Variants in MFSD6 observed in about 807,000 individuals in gnomAD.
MFSD6 encodes the protein major facilitator superfamily domain-containing protein 6.
MFSD6 carries 26 observed loss-of-function variants against 56.3 expected under a neutral mutation model. That is an observed-to-expected ratio of 0.46 (90% CI 0.34 to 0.64). The LOEUF is 0.64. MFSD6 is among the 30% of genes least tolerant of loss of function. MFSD6 has a pLI of 0.01. For synonymous variants in MFSD6, 331 were observed against 366.9 expected, an observed-to-expected ratio of 0.90 and a Z score of 1.12; for missense variants, 750 against 986.2, an observed-to-expected ratio of 0.76 and a Z score of 3.21.
chr2:190,459,147 T>C lies in MFSD6; in HGVS notation c.1533-10611T>C, dbSNP rs987613227. Among the ~76,000 whole-genome samples, 2 of 152,190 alleles carry C rather than the reference T, an allele frequency of 1.3e-5. No homozygotes were observed. Among genetic ancestry groups the C allele is most frequent in the Non-Finnish European group, 2.9e-5 (2 of 68,032 alleles). On this transcript the variant is annotated intron_variant, in intron 3 of 7. Coordinates refer to ENST00000392328, the MANE Select transcript of MFSD6 (RefSeq NM_017694.4). The surrounding 1 kb of genome is among the most constrained non-coding windows in gnomAD (Gnocchi z 5.3). ...CAAGACTCCTTTTTTCCTCCCTCCATATTGTGGCTCCTTTCTCTTTTGTTT... is the reference window on the plus strand; with the variant it reads ...CAAGACTCCTTTTTTCCTCCCTCCACATTGTGGCTCCTTTCTCTTTTGTTT...
chr2:190,458,333 C>A lies in MFSD6; in HGVS notation c.1533-11425C>A, dbSNP rs532253744. On this transcript the variant is annotated intron_variant, in intron 3 of 7. Coordinates refer to ENST00000392328, the MANE Select transcript of MFSD6 (RefSeq NM_017694.4). This position sits in a 1 kb window ranked among gnomAD's most constrained non-coding sequence, Gnocchi z 5.3. ...CCTCATCTGTTATGAGCAGTGTCCTCGTGAGAAGAGATTGGGGCCACAGAT... is the reference window on the plus strand; with the variant it reads ...CCTCATCTGTTATGAGCAGTGTCCTAGTGAGAAGAGATTGGGGCCACAGAT... 2.6e-5 allele frequency among the ~76,000 whole-genome samples: 4 copies of A among 152,090 alleles called. No homozygotes were observed. Among genetic ancestry groups the A allele is most frequent in the East Asian group, 1.9e-4 (1 of 5,180 alleles).
rs538522116 is a variant in MFSD6 at position 190,429,152 on chromosome 2, T to C, written c.-53-6825T>C. On this transcript the variant is annotated intron_variant, in intron 2 of 7. Transcript: ENST00000392328. Reference sequence around the variant, plus strand: ...TGCTTATTTTTCCTATTGGGTTACCTGATATTTTCCTACTGATTTTTTTCT... The same window carrying C: ...TGCTTATTTTTCCTATTGGGTTACCCGATATTTTCCTACTGATTTTTTTCT... Among the ~76,000 whole-genome samples, 4 of 152,154 alleles carry C rather than the reference T, an allele frequency of 2.6e-5. No individual in the cohort carries two copies. The South Asian group carries it at 6.2e-4, about 24-fold the overall frequency.
intron 2 of MFSD6, among the ~76,000 whole-genome samples, chr2:190,421,894 T>C (rs1441766479): frequency 6.6e-6 from 1 of 152,174 alleles, no homozygotes; most frequent in Non-Finnish European, 1.5e-5. Context: ...TTAAAGACAC[T>C]AGATAATATC....
Position 190,499,238 on chromosome 2 carries a change from T to G in MFSD6, c.2173-777T>G, listed in dbSNP as rs1297720998. Among the ~76,000 whole-genome samples the G allele has an allele frequency of 6.6e-6, 1 of 152,256 alleles. No individual in the cohort carries two copies. The highest frequency in any genetic ancestry group is 1.5e-5 in the Non-Finnish European group (1 of 68,048). On this transcript the variant is annotated intron_variant, in intron 7 of 7. Transcript: ENST00000392328. The surrounding 1 kb of genome is among the most constrained non-coding windows in gnomAD (Gnocchi z 6.0). ...CTGGCAGGTATGCTGTAGTTATTCT[T>G]AGAAGTCATTATACTAAGTTTCTTT...
Position 190,497,380 on chromosome 2 carries a change from CT to C in MFSD6, c.1892-56del. ...TCTTGGTTTATTTATTTATTTTTAC[CT>C]TTGTTCAAATATGTAGAAAATGCTG... On this transcript the variant is annotated intron_variant, in intron 6 of 7. Coordinates refer to ENST00000392328, the MANE Select transcript of MFSD6 (RefSeq NM_017694.4). This position sits in a 1 kb window ranked among gnomAD's most constrained non-coding sequence, Gnocchi z 5.2. 6.4e-7 allele frequency: 1 copy of C among 1,551,484 alleles called. No individual in the cohort carries two copies. Among genetic ancestry groups the C allele is most frequent in the Non-Finnish European group, 8.7e-7 (1 of 1,143,210 alleles).
intron 2 of MFSD6, among the ~76,000 whole-genome samples, chr2:190,422,639 G>A (rs746762628): frequency 5.3e-5 from 8 of 152,038 alleles, no homozygotes; most frequent in Non-Finnish European, 7.4e-5. Context: ...AAGGTAATTC[G>A]TTTGTCCCAG....
Position 190,457,021 on chromosome 2 carries a change from C to T in MFSD6, c.1533-12737C>T, listed in dbSNP as rs964512486. On this transcript the variant is annotated intron_variant, in intron 3 of 7. Transcript: ENST00000392328. This position sits in a 1 kb window ranked among gnomAD's most constrained non-coding sequence, Gnocchi z 5.1. ...AAACGTTCATCCAGCTTCCTTAATCCGCGCGCACAGCTGAGTTCAGAAGTC... is the reference window on the plus strand; with the variant it reads ...AAACGTTCATCCAGCTTCCTTAATCTGCGCGCACAGCTGAGTTCAGAAGTC... Among the ~76,000 whole-genome samples, 16 of 152,252 alleles carry T rather than the reference C, an allele frequency of 1.1e-4. No homozygotes were observed. Among genetic ancestry groups the T allele is most frequent in the South Asian group, 4.2e-4 (2 of 4,818 alleles).
intron 1 of MFSD6, chr2:190,411,613 A>G: frequency 1.0e-6 from 1 of 977,968 alleles, no homozygotes; most frequent in Non-Finnish European, 1.2e-6. Context: ...AAAGAAGACT[A>G]GAATTAATTG....
rs1409098117 is a variant in MFSD6 at position 190,497,431 on chromosome 2, C to T, written c.1892-8C>T. On this transcript the variant is annotated splice_polypyrimidine_tract_variant and splice_region_variant and intron_variant, in intron 6 of 7. Transcript: ENST00000392328. This position sits in a 1 kb window ranked among gnomAD's most constrained non-coding sequence, Gnocchi z 5.2. Reference sequence around the variant, plus strand: ...GAAAAAATAGTTTAAACATTCTTTTCTCTCCAGACAAGACAATGTTGGCAG... The same window carrying T: ...GAAAAAATAGTTTAAACATTCTTTTTTCTCCAGACAAGACAATGTTGGCAG... 5 of 1,608,070 alleles carry T rather than the reference C, an allele frequency of 3.1e-6. No homozygotes were observed. The highest frequency in any genetic ancestry group is 1.7e-6 in the Non-Finnish European group (2 of 1,176,284).
Position 190,424,241 on chromosome 2 carries a change from T to C in MFSD6, c.-54+8828T>C, listed in dbSNP as rs1428128714. 6.6e-6 allele frequency among the ~76,000 whole-genome samples: 1 copy of C among 152,118 alleles called. No individual in the cohort carries two copies. Among genetic ancestry groups the C allele is most frequent in the Non-Finnish European group, 1.5e-5 (1 of 68,026 alleles). ...GGCTAAAGATTTTCTTCTTCTTTTT[T>C]TTTTTTTCTAAATGTTTTATAGTTT... On this transcript the variant is annotated intron_variant, in intron 2 of 7. Coordinates refer to ENST00000392328, the MANE Select transcript of MFSD6 (RefSeq NM_017694.4). This position sits in a 1 kb window ranked among gnomAD's most constrained non-coding sequence, Gnocchi z 5.9.
rs1214395277 is a variant in MFSD6 at position 190,463,794 on chromosome 2, T to C, written c.1533-5964T>C. ...GTGATGACGCTACTGCACTCCAGCC[T>C]GGGTAACAGAGCAAGACCCTGTCTC... On this transcript the variant is annotated intron_variant, in intron 3 of 7. Coordinates refer to ENST00000392328, the MANE Select transcript of MFSD6 (RefSeq NM_017694.4). The surrounding 1 kb of genome is among the most constrained non-coding windows in gnomAD (Gnocchi z 4.4). 4 of 833,934 alleles carry C rather than the reference T, an allele frequency of 4.8e-6. No homozygotes were observed. The highest frequency in any genetic ancestry group is 5.8e-6 in the Non-Finnish European group (4 of 692,010). 51.7% of individuals were successfully genotyped at this position (833,934 alleles called of 1,614,324 possible).
In MFSD6 at chr2:190,454,888, G is replaced by A. The variant is rs948810195; in HGVS notation, c.1533-14870G>A. On this transcript the variant is annotated intron_variant, in intron 3 of 7. Coordinates refer to ENST00000392328, the MANE Select transcript of MFSD6 (RefSeq NM_017694.4). This position sits in a 1 kb window ranked among gnomAD's most constrained non-coding sequence, Gnocchi z 4.6. ...TGATGGTAGGAGTGAGTCCGGCAACGGCAAACTTGTATTTTTCTGTATGTA... is the reference window on the plus strand; with the variant it reads ...TGATGGTAGGAGTGAGTCCGGCAACAGCAAACTTGTATTTTTCTGTATGTA... Among the ~76,000 whole-genome samples, 2 of 151,642 alleles carry A rather than the reference G, an allele frequency of 1.3e-5. No individual in the cohort carries two copies. Among genetic ancestry groups the A allele is most frequent in the South Asian group, 2.1e-4 (1 of 4,814 alleles).
intron 3 of MFSD6, among the ~76,000 whole-genome samples, chr2:190,453,361 T>A (rs1686853194): frequency 6.6e-6 from 1 of 152,118 alleles, no homozygotes; most frequent in Non-Finnish European, 1.5e-5. Context: ...GGATGCCCAT[T>A]GGAAAGTTGC....
chr2:190,467,061 A>C lies in MFSD6; in HGVS notation c.1533-2697A>C, dbSNP rs1474999731. ...ACCCTGATTCAGAGGTGGGCTCAAA[A>C]GACAGCTTCAGGATAGACAATTTGT... On this transcript the variant is annotated intron_variant, in intron 3 of 7. Coordinates refer to ENST00000392328, the MANE Select transcript of MFSD6 (RefSeq NM_017694.4). This position sits in a 1 kb window ranked among gnomAD's most constrained non-coding sequence, Gnocchi z 5.5. 1.3e-5 allele frequency among the ~76,000 whole-genome samples: 2 copies of C among 152,226 alleles called. No individual in the cohort carries two copies. Among genetic ancestry groups the C allele is most frequent in the East Asian group, 3.8e-4 (2 of 5,200 alleles).
At position 190,417,783 on chromosome 2, in the gene MFSD6, C is replaced by T. The variant is rs997553900; in HGVS notation, c.-54+2370C>T. 6.6e-6 allele frequency among the ~76,000 whole-genome samples: 1 copy of T among 152,078 alleles called. No homozygotes were observed. Among genetic ancestry groups the T allele is most frequent in the Non-Finnish European group, 1.5e-5 (1 of 68,028 alleles). On this transcript the variant is annotated intron_variant, in intron 2 of 7. Transcript: ENST00000392328. The surrounding 1 kb of genome is among the most constrained non-coding windows in gnomAD (Gnocchi z 5.7). ...CTCATCTTTGCCTGTGAATCCTGCC[C>T]ATCTTTCAGAGTTCAATTTAAGCCC...
intron 3 of MFSD6, among the ~76,000 whole-genome samples, chr2:190,455,926 T>A (rs1018920965): frequency 7.0e-6 from 1 of 143,566 alleles, no homozygotes; most frequent in African/African-American, 2.5e-5. Context: ...GTAATTGTAT[T>A]TACTCTGCTT....
In MFSD6 at chr2:190,488,103, A is replaced by G. The variant is rs1216117342; in HGVS notation, c.1631-554A>G. ...ATTTTAGTAGAGACAGGGTTTCACC[A>G]TGTTGGCCAGGATGGTCTCAATCTC... On this transcript the variant is annotated intron_variant, in intron 4 of 7. Coordinates refer to ENST00000392328, the MANE Select transcript of MFSD6 (RefSeq NM_017694.4). This position sits in a 1 kb window ranked among gnomAD's most constrained non-coding sequence, Gnocchi z 6.4. 6.6e-6 allele frequency among the ~76,000 whole-genome samples: 1 copy of G among 152,120 alleles called. No homozygotes were observed. The highest frequency in any genetic ancestry group is 1.5e-5 in the Non-Finnish European group (1 of 68,018).
rs868093365 is a variant in MFSD6, at chr2:190,498,932, G to A, written c.2173-1083G>A. 1.3e-5 allele frequency among the ~76,000 whole-genome samples: 2 copies of A among 151,766 alleles called. No homozygotes were observed. Among genetic ancestry groups the A allele is most frequent in the South Asian group, 2.1e-4 (1 of 4,812 alleles). On this transcript the variant is annotated intron_variant, in intron 7 of 7. Transcript: ENST00000392328. The surrounding 1 kb of genome is among the most constrained non-coding windows in gnomAD (Gnocchi z 5.9). ...TGGGAGGCCGAGGTGGGTGGATCAC[G>A]AGGTCAGGAGTTCAAGACCAGCCTG...
Position 190,488,643 on chromosome 2 carries a change from T to A in MFSD6, c.1631-14T>A. On this transcript the variant is annotated splice_polypyrimidine_tract_variant and intron_variant, in intron 4 of 7. Transcript: ENST00000392328. The surrounding 1 kb of genome is among the most constrained non-coding windows in gnomAD (Gnocchi z 6.4). ...GCTAACCAACTAATCCCTCCTGCTC[T>A]TCTTCCTCTCCAGGAGTGACACACG... 6.7e-7 allele frequency: 1 copy of A among 1,488,362 alleles called. No homozygotes were observed. Among genetic ancestry groups the A allele is most frequent in the South Asian group, 1.4e-5 (1 of 71,508 alleles). The allele number at this position is 1,488,362 out of a possible 1,614,324, so 92.2% of individuals were successfully genotyped here.
Sources: allele counts gnomAD v4.1 joint callset (sites outside exome capture counted in the v4.1 genomes callset), GRCh38; gene constraint gnomAD v4.1.1; non-coding constraint Gnocchi (gnomAD v3.1); transcripts MANE v1.5; gene names NCBI Gene and HGNC (gene_info 2026-07-23, HGNC 2026-07-21).